VPS8: variants seen among roughly 807,000 people sequenced by gnomAD.
The protein encoded by VPS8 is vacuolar protein sorting-associated protein 8 homolog.
Under a neutral mutation model 216.4 loss-of-function variants are expected in VPS8, and 129 were observed. That is an observed-to-expected ratio of 0.60 (90% CI 0.52 to 0.69). VPS8 has a LOEUF of 0.69. Among genes scored for constraint, VPS8 ranks in the 30% least tolerant of loss-of-function variants. The pLI is 0.00. For missense variants in VPS8, 1,531 were observed against 1,683.5 expected (o/e 0.91, Z 1.59); for synonymous variants, 571 against 565.4 (o/e 1.01, Z -0.14).
At position 184,870,823 on chromosome 3, in the gene VPS8, T is replaced by A. The variant is rs745370557; in HGVS notation, c.1734+18T>A. The A allele has an allele frequency of 6.3e-7, 1 of 1,599,478 alleles. No individual in the cohort carries two copies. The highest frequency in any genetic ancestry group is 1.1e-5 in the South Asian group (1 of 89,296). On this transcript the variant is annotated intron_variant, in intron 21 of 47. Transcript: ENST00000625842. Reference sequence around the variant, plus strand: ...ATTTTCAGGTACACATTGCATGTGCTTCCAGTAGACGATGCTCTGGATAGG... The same window carrying A: ...ATTTTCAGGTACACATTGCATGTGCATCCAGTAGACGATGCTCTGGATAGG...
chr3:184,981,019 CTG>C (rs1367094057), intron 40 of VPS8, among the ~76,000 whole-genome samples: 1 of 152,100 alleles, frequency 6.6e-6, no homozygotes, highest in African/African-American at 2.4e-5. Flanking sequence ...GAAGGTTTGA[CTG>C]TGGTATAATG....
chr3:184,860,468 T>TACACACAC (rs59791657), intron 15 of VPS8, among the ~76,000 whole-genome samples: 27 of 147,308 alleles, frequency 1.8e-4, no homozygotes, highest in South Asian at 4.3e-4. Context: ...TACACACACA[T>TACACACAC]ACACACACAC....
chr3:185,024,484 T>G, intron 46 of VPS8, 95 bp downstream of exon 46: 1 of 1,311,140 alleles, frequency 7.6e-7, no homozygotes, highest in African/African-American at 1.5e-5. Context: ...TGATTTTTAA[T>G]CATCTTAATG....
At chr3:184,926,727 C>A in intron 31 of VPS8, 77 bp downstream of exon 31, 1 of 1,408,488 alleles carries the variant, frequency 7.1e-7, no homozygotes, top group South Asian at 1.3e-5. Context: ...TGTGCTAGAC[C>A]TCACTACACA....
chr3:185,028,417 A>G (rs1757681324), intron 46 of VPS8, among the ~76,000 whole-genome samples: 1 of 152,232 alleles, frequency 6.6e-6, no homozygotes, highest in Non-Finnish European at 1.5e-5. Flanking sequence ...GCATGTCTTC[A>G]GTATAATGTG....
At chr3:184,937,754 T>C (rs1741894666) in intron 35 of VPS8, among the ~76,000 whole-genome samples, 1 of 152,156 alleles carries the variant, frequency 6.6e-6, no homozygotes, top group Non-Finnish European at 1.5e-5. Flanking sequence ...TAAAGCAGCA[T>C]GCATGTTCAG....
chr3:184,886,306 T>C, intron 22 of VPS8, 150 bp downstream of exon 22: 1 of 749,598 alleles, frequency 1.3e-6, no homozygotes, highest in Non-Finnish European at 2.1e-6. Context: ...TTTCAGTTCA[T>C]TTACCTAATA....
intron 10 of VPS8, among the ~76,000 whole-genome samples, chr3:184,851,451 C>T (rs140418279): frequency 2.7e-3 from 394 of 146,194 alleles, no homozygotes; most frequent in Middle Eastern, 0.01. Flanking sequence ...GAATTTCATT[C>T]TTTATGGATA....
intron 42 of VPS8, among the ~76,000 whole-genome samples, chr3:184,990,193 C>A (rs1359789070): frequency 6.6e-6 from 1 of 152,176 alleles, no homozygotes; most frequent in Admixed American, 6.5e-5. Flanking sequence ...CCTCAGCAGT[C>A]CCTGTATTTA....
chr3:184,826,417 C>G lies in VPS8; in HGVS notation c.222+186C>G, dbSNP rs144551209. Among the ~76,000 whole-genome samples, 1,157 of 152,290 alleles carry G rather than the reference C, an allele frequency of 7.6e-3. 20 individuals are homozygous for G. The highest frequency in any genetic ancestry group is 0.027 in the African/African-American group (1,119 of 41,538). ...AATTTAATTCCTTGGCTGCACAAGG[C>G]ACATTTCAAGTGCTCAATAGCCACG... is the stretch of plus-strand genomic sequence containing the variant. On this transcript the variant is annotated intron_variant, in intron 3 of 47. Coordinates refer to ENST00000625842, the MANE Select transcript of VPS8 (RefSeq NM_001009921.3).
chr3:184,998,677 T>C (rs1434550512), intron 44 of VPS8, among the ~76,000 whole-genome samples: 2 of 151,060 alleles, frequency 1.3e-5, no homozygotes, highest in Non-Finnish European at 3.0e-5. Context: ...CTGAGAATTA[T>C]TCTCAGTACT....
At chr3:184,831,768 C>T (rs923545749) in intron 3 of VPS8, among the ~76,000 whole-genome samples, 3 of 152,032 alleles carry the variant, frequency 2.0e-5, no homozygotes, top group African/African-American at 7.2e-5. Flanking sequence ...GTTCATCATT[C>T]CCTCTGTTGA....
intron 34 of VPS8, among the ~76,000 whole-genome samples, chr3:184,932,167 A>G (rs1740801723): frequency 6.6e-6 from 1 of 152,174 alleles, no homozygotes; most frequent in African/African-American, 2.4e-5. Context: ...TATAATCAAC[A>G]TTAAATACAT....
At chr3:184,932,945 C>A (rs1161519869) in intron 34 of VPS8, among the ~76,000 whole-genome samples, 3 of 152,148 alleles carry the variant, frequency 2.0e-5, no homozygotes, top group South Asian at 2.1e-4. Flanking sequence ...TGAGCATAGC[C>A]ACATACATTT....
At chr3:185,021,806 G>A (rs867070789) in intron 45 of VPS8, among the ~76,000 whole-genome samples, 2 of 152,186 alleles carry the variant, frequency 1.3e-5, no homozygotes, top group Admixed American at 6.5e-5. Context: ...GACAGTGATA[G>A]GAAATAGTAT....
chr3:184,900,833 G>T, intron 24 of VPS8, 88 bp from the exon 25 acceptor site: 1 of 1,120,962 alleles, frequency 8.9e-7, no homozygotes, highest in South Asian at 1.5e-5. Flanking sequence ...TTCCATTAGC[G>T]AATGGTGATG....
In VPS8 at chr3:184,886,131, G is replaced by A. The variant is rs1332253222; in HGVS notation, c.1756G>A (p.Asp586Asn). 6.2e-7 allele frequency: 1 copy of A among 1,609,754 alleles called. No homozygotes were observed. The highest frequency in any genetic ancestry group is 8.5e-7 in the Non-Finnish European group (1 of 1,177,992). The part of the protein sequence containing the change: ...HFQDMVPVIV[D>N]YCLLLQRKDL... Reference sequence around the variant, plus strand: ...ACAGGATATGGTGCCTGTCATAGTTGATTACTGCCTTCTGCTGCAGCGAAA... The same window carrying A: ...ACAGGATATGGTGCCTGTCATAGTTAATTACTGCCTTCTGCTGCAGCGAAA... The change falls in exon 22 of 48, where the codon GAT becomes AAT. Residue 586 changes from aspartate to asparagine, a missense_variant. By Grantham distance (23) the Asp-to-Asn change is conservative (BLOSUM62 1). Transcript: ENST00000625842.
chr3:184,930,634 C>A, intron 34 of VPS8, 66 bp downstream of exon 34: 1 of 1,198,496 alleles, frequency 8.3e-7, no homozygotes, highest in Admixed American at 1.8e-5. Flanking sequence ...TAACTTTATG[C>A]CAACGAAGCA....
At chr3:184,826,791 C>A (rs560730387) in intron 3 of VPS8, among the ~76,000 whole-genome samples, 1 of 152,344 alleles carries the variant, frequency 6.6e-6, no homozygotes, top group African/African-American at 2.4e-5. Flanking sequence ...CACTCTTCTA[C>A]ATGAAGAAAA....
Sources: allele counts gnomAD v4.1 joint callset (sites outside exome capture counted in the v4.1 genomes callset), GRCh38; gene constraint gnomAD v4.1.1; transcripts MANE v1.5; gene names NCBI Gene and HGNC (gene_info 2026-07-23, HGNC 2026-07-21).